The following GPC5 variants were observed in gnomAD, a reference collection of about 807,000 sequenced individuals.
The protein encoded by GPC5 is glypican 5.
A neutral mutation model predicts 53.9 loss-of-function variants in GPC5; 47 were observed. That is an observed-to-expected ratio of 0.87 (90% CI 0.69 to 1.11). The LOEUF is 1.11. Among genes scored for constraint, GPC5 ranks in the 50% most tolerant of loss-of-function variants. The pLI is 0.00. For missense variants in GPC5, 748 were observed against 713.1 expected, an observed-to-expected ratio of 1.05 and a Z score of -0.56; for synonymous variants, 286 against 263.3, an observed-to-expected ratio of 1.09 and a Z score of -0.84.
chr13:92,611,964 C>A (rs533868413), intron 7 of GPC5, among the ~76,000 whole-genome samples: 32 of 152,090 alleles, frequency 2.1e-4, no homozygotes, highest in Admixed American at 5.2e-4. Flanking sequence ...ATTTGCATTG[C>A]GTACCAGGGA....
In GPC5 at chr13:92,763,151, T is replaced by C. The variant is rs190590180; in HGVS notation, c.1562-103131T>C. Among the ~76,000 whole-genome samples the C allele has an allele frequency of 3.2e-3, 485 of 152,340 alleles. 3 individuals are homozygous for C. The highest frequency in any genetic ancestry group is 4.1e-3 in the Non-Finnish European group (280 of 68,032). On this transcript the variant is annotated intron_variant, in intron 7 of 7. Coordinates refer to ENST00000377067, the MANE Select transcript of GPC5 (RefSeq NM_004466.6). ...AATTACTGGAGAATTATTTTATTCTTTTGATGATATCATGTTCCCTTGCTT... is the reference window on the plus strand; with the variant it reads ...AATTACTGGAGAATTATTTTATTCTCTTGATGATATCATGTTCCCTTGCTT...
intron 6 of GPC5, among the ~76,000 whole-genome samples, chr13:92,013,765 A>T (rs1435393030): frequency 6.6e-6 from 1 of 152,172 alleles, no homozygotes; most frequent in African/African-American, 2.4e-5. Flanking sequence ...TATAATTTTT[A>T]AATTTTTATT....
At chr13:91,616,295 C>T (rs765329565) in intron 2 of GPC5, among the ~76,000 whole-genome samples, 5 of 150,892 alleles carry the variant, frequency 3.3e-5, no homozygotes, top group Non-Finnish European at 7.4e-5. Flanking sequence ...ATTTAAAGAT[C>T]CTTTCTTCAA....
At chr13:92,844,336 A>G (rs994396827) in intron 7 of GPC5, among the ~76,000 whole-genome samples, 2 of 152,100 alleles carry the variant, frequency 1.3e-5, no homozygotes, top group African/African-American at 2.4e-5. Flanking sequence ...ATGTTATTTA[A>G]TGTTTGAATT....
chr13:92,672,443 A>T lies in GPC5; in HGVS notation c.1562-193839A>T, dbSNP rs150342574. 4.4e-4 allele frequency among the ~76,000 whole-genome samples: 67 copies of T among 152,252 alleles called. No homozygotes were observed. The East Asian group carries it at 0.012, about 28-fold the overall frequency. On this transcript the variant is annotated intron_variant, in intron 7 of 7. Transcript: ENST00000377067. ...CTTATACACTGTTGGTGGGAGTGTA[A>T]ATTAGTTCAGCCATTTTGGAAGACA...
At chr13:92,067,213 A>C (rs2041174483) in intron 6 of GPC5, among the ~76,000 whole-genome samples, 1 of 152,050 alleles carries the variant, frequency 6.6e-6, no homozygotes, top group Admixed American at 6.5e-5. Context: ...AGGTCCAGGC[A>C]TTTGTTGAGA....
chr13:92,357,185 A>G (rs1474772592), intron 7 of GPC5, among the ~76,000 whole-genome samples: 1 of 151,710 alleles, frequency 6.6e-6, no homozygotes, highest in Non-Finnish European at 1.5e-5. Context: ...ACACATGTGC[A>G]TGTGTCTTTA....
At chr13:92,847,605 G>A (rs536414045) in intron 7 of GPC5, among the ~76,000 whole-genome samples, 17 of 152,078 alleles carry the variant, frequency 1.1e-4, no homozygotes, top group African/African-American at 3.9e-4. Flanking sequence ...TGTACAGCCT[G>A]GGGAACCATG....
At chr13:91,814,703 G>C (rs2038373347) in intron 5 of GPC5, among the ~76,000 whole-genome samples, 1 of 151,982 alleles carries the variant, frequency 6.6e-6, no homozygotes, top group Admixed American at 6.6e-5. Flanking sequence ...ACCATGCCTG[G>C]CTAATTTTTA....
At chr13:92,394,890 A>T (rs1016631056) in intron 7 of GPC5, among the ~76,000 whole-genome samples, 3 of 152,356 alleles carry the variant, frequency 2.0e-5, no homozygotes, top group Middle Eastern at 3.4e-3. Context: ...ACTCTAAAAA[A>T]GTAGACAAAT....
intron 7 of GPC5, among the ~76,000 whole-genome samples, chr13:92,834,210 C>A (rs1256408055): frequency 6.6e-6 from 1 of 152,112 alleles, no homozygotes; most frequent in African/African-American, 2.4e-5. Flanking sequence ...TAACACAATA[C>A]CTAATTCATG....
chr13:91,960,107 T>G (rs1268860717), intron 6 of GPC5, among the ~76,000 whole-genome samples: 2 of 151,144 alleles, frequency 1.3e-5, no homozygotes, highest in Non-Finnish European at 3.0e-5. Context: ...AATAAATTTA[T>G]CCAAATTGGA....
intron 6 of GPC5, among the ~76,000 whole-genome samples, chr13:92,072,920 AC>A (rs1397143688): frequency 6.6e-6 from 1 of 152,190 alleles, no homozygotes; most frequent in Non-Finnish European, 1.5e-5. Flanking sequence ...AAATTATCTG[AC>A]ATAAACCGAC....
At position 92,056,663 on chromosome 13, in the gene GPC5, G is replaced by A. The variant is rs570337719; in HGVS notation, c.1402-88167G>A. On this transcript the variant is annotated intron_variant, in intron 6 of 7. Transcript: ENST00000377067. ...TTTTTTAAATGGGAAATAAAAGGTG[G>A]TGATCCAATGCCATACAAATTAAAT... 3.9e-5 allele frequency among the ~76,000 whole-genome samples: 6 copies of A among 152,240 alleles called. No homozygotes were observed. In the South Asian group the frequency reaches 1.2e-3, roughly 32 times the overall value.
At position 92,064,216 on chromosome 13, in the gene GPC5, A is replaced by G. The variant is rs539889599; in HGVS notation, c.1402-80614A>G. Among the ~76,000 whole-genome samples the G allele has an allele frequency of 1.4e-4, 21 of 152,298 alleles. 1 individual carries two copies. The highest frequency in any genetic ancestry group is 4.8e-4 in the African/African-American group (20 of 41,558). On this transcript the variant is annotated intron_variant, in intron 6 of 7. Coordinates refer to ENST00000377067, the MANE Select transcript of GPC5 (RefSeq NM_004466.6). Reference sequence around the variant, plus strand: ...CACTGATGCCATTTTGCCACTTGTAATATATTAGGCTATTAATAAGAAACT... The same window carrying G: ...CACTGATGCCATTTTGCCACTTGTAGTATATTAGGCTATTAATAAGAAACT...
intron 5 of GPC5, among the ~76,000 whole-genome samples, chr13:91,816,830 G>C (rs1308473542): frequency 2.6e-5 from 4 of 152,092 alleles, no homozygotes; most frequent in Non-Finnish European, 5.9e-5. Context: ...TAGCAATCAT[G>C]TGTCTGAATC....
At chr13:92,843,860 T>A (rs1235601805) in intron 7 of GPC5, among the ~76,000 whole-genome samples, 4 of 152,048 alleles carry the variant, frequency 2.6e-5, no homozygotes, top group African/African-American at 9.6e-5. Context: ...CTCTACAGAG[T>A]AACAGTGCAA....
At chr13:91,671,780 C>CAAAA (rs55758033) in intron 2 of GPC5, among the ~76,000 whole-genome samples, 72 of 33,132 alleles carry the variant, frequency 2.2e-3, no homozygotes, top group African/African-American at 5.4e-3. Flanking sequence ...CAATCTGAAG[C>CAAAA]AAAAAAAAAA....
rs147911000 is a variant in GPC5, at chr13:92,324,709, A to G, written c.1561+179720A>G. 6.0e-3 allele frequency among the ~76,000 whole-genome samples: 907 copies of G among 151,982 alleles called. 8 individuals carry two copies. The highest frequency in any genetic ancestry group is 0.021 in the African/African-American group (868 of 41,528). On this transcript the variant is annotated intron_variant, in intron 7 of 7. Coordinates refer to ENST00000377067, the MANE Select transcript of GPC5 (RefSeq NM_004466.6). ...GCATATCATTATGTAGTACTACATT[A>G]TGTAGATATATAGCTGTACTATATA... is the stretch of plus-strand genomic sequence containing the variant.
Sources: gnomAD v4.1 joint callset for allele counts (sites outside exome capture counted in the v4.1 genomes callset) on GRCh38, gnomAD v4.1.1 for gene constraint, MANE v1.5 for transcripts, NCBI Gene and HGNC (gene_info 2026-07-23, HGNC 2026-07-21) for gene names.